Variants in KCNH1 observed in about 807,000 individuals in gnomAD.
KCNH1 encodes voltage-gated delayed rectifier potassium channel KCNH1.
KCNH1 carries 27 observed loss-of-function variants against 69.2 expected under a neutral mutation model. The ratio of observed to expected loss-of-function variants is 0.39; its 90% confidence interval spans 0.29 to 0.54. The LOEUF is 0.54. Among genes scored for constraint, KCNH1 ranks in the 20% least tolerant of loss-of-function variants. KCNH1 has a pLI of 0.68. For missense variants in KCNH1, 798 were observed against 1,261.6 expected (o/e 0.63, Z 5.57); for synonymous variants, 456 against 487.7 (o/e 0.93, Z 0.86).
At chr1:210,866,888 A>C (rs146732125) in intron 7 of KCNH1, among the ~76,000 whole-genome samples, 2 of 152,018 alleles carry the variant, frequency 1.3e-5, no homozygotes, top group East Asian at 3.9e-4. Flanking sequence ...TGAACAGATG[A>C]ATTAGATGTG....
intron 10 of KCNH1, among the ~76,000 whole-genome samples, chr1:210,736,933 T>C (rs1682894475): frequency 6.6e-6 from 1 of 152,202 alleles, no homozygotes; most frequent in African/African-American, 2.4e-5. Context: ...GAGTGTTGAC[T>C]ACCCTCTCTT....
chr1:210,736,148 C>A (rs148228553), intron 10 of KCNH1, among the ~76,000 whole-genome samples: 283 of 152,204 alleles, frequency 1.9e-3, no homozygotes, highest in African/African-American at 6.5e-3. Flanking sequence ...TGGGCTCAAG[C>A]CATCCTTCTG....
intron 10 of KCNH1, among the ~76,000 whole-genome samples, chr1:210,772,525 C>A (rs1333331842): frequency 6.7e-6 from 1 of 148,168 alleles, no homozygotes; most frequent in African/African-American, 2.5e-5. Flanking sequence ...TTTTTTTTTC[C>A]AAAAAAGAAT....
At chr1:211,055,805 C>T (rs1459095239) in intron 5 of KCNH1, among the ~76,000 whole-genome samples, 1 of 152,206 alleles carries the variant, frequency 6.6e-6, no homozygotes, top group Non-Finnish European at 1.5e-5. Context: ...TCTAGACACA[C>T]CATGGGCCAG....
At chr1:211,107,665 C>T (rs1251269986) in intron 1 of KCNH1, among the ~76,000 whole-genome samples, 2 of 152,184 alleles carry the variant, frequency 1.3e-5, no homozygotes, top group Admixed American at 1.3e-4. Flanking sequence ...TCAGTGGATT[C>T]CCATGAGACA....
intron 3 of KCNH1, among the ~76,000 whole-genome samples, chr1:211,101,036 T>C (rs1691248286): frequency 6.6e-6 from 1 of 152,230 alleles, no homozygotes; most frequent in African/African-American, 2.4e-5. Flanking sequence ...GCCCTGATCT[T>C]TGTCTAACTC....
At chr1:210,859,683 T>C (rs1477436383) in intron 7 of KCNH1, 2 of 1,278,452 alleles carry the variant, frequency 1.6e-6, no homozygotes, top group African/African-American at 1.5e-5. Context: ...ATCCATTAAA[T>C]AAAAGGATAA....
chr1:210,785,416 A>G (rs1236620567), intron 9 of KCNH1, among the ~76,000 whole-genome samples: 1 of 145,578 alleles, frequency 6.9e-6, no homozygotes, highest in Non-Finnish European at 1.5e-5. Context: ...TTTTTTTGAG[A>G]TAGAGTCTAG....
intron 7 of KCNH1, chr1:210,861,809 A>G: frequency 1.3e-6 from 1 of 763,234 alleles, no homozygotes; most frequent in Non-Finnish European, 2.4e-6. Flanking sequence ...AGTTTTTTAT[A>G]CTCATAAGTT....
chr1:210,772,694 C>T (rs1574247042), intron 10 of KCNH1, among the ~76,000 whole-genome samples: 1 of 152,194 alleles, frequency 6.6e-6, no homozygotes, highest in East Asian at 1.9e-4. Context: ...ATATGGGTAC[C>T]TAGGAGATGC....
chr1:211,087,075 G>A (rs1690964751), intron 4 of KCNH1, among the ~76,000 whole-genome samples: 1 of 152,084 alleles, frequency 6.6e-6, no homozygotes, highest in African/African-American at 2.4e-5. Flanking sequence ...CATTGAAGGG[G>A]GTGTGGGGCC....
At chr1:210,775,086 A>G (rs546691238) in intron 10 of KCNH1, among the ~76,000 whole-genome samples, 3 of 151,754 alleles carry the variant, frequency 2.0e-5, no homozygotes, top group South Asian at 2.1e-4. Flanking sequence ...TTGATGGGGG[A>G]AAAAAAAGCC....
chr1:210,746,401 A>G (rs914878851), intron 10 of KCNH1, among the ~76,000 whole-genome samples: 2 of 152,102 alleles, frequency 1.3e-5, no homozygotes, highest in African/African-American at 4.8e-5. Context: ...AGGTCATACA[A>G]TTACTAAATG....
At chr1:211,060,743 C>T (rs996218788) in intron 5 of KCNH1, among the ~76,000 whole-genome samples, 1 of 152,014 alleles carries the variant, frequency 6.6e-6, no homozygotes, top group Non-Finnish European at 1.5e-5. Context: ...CATATACAAC[C>T]TACCAAGATT....
intron 1 of KCNH1, among the ~76,000 whole-genome samples, chr1:211,128,579 G>A (rs1255226739): frequency 6.6e-6 from 1 of 151,630 alleles, no homozygotes; most frequent in Non-Finnish European, 1.5e-5. Context: ...GGGGCTTCTA[G>A]AGGTCTGGCA....
At chr1:210,839,272 A>T (rs543783147) in intron 7 of KCNH1, among the ~76,000 whole-genome samples, 2 of 152,318 alleles carry the variant, frequency 1.3e-5, no homozygotes, top group East Asian at 3.9e-4. Flanking sequence ...ACATGGATGG[A>T]GCTGGAAGTC....
intron 7 of KCNH1, among the ~76,000 whole-genome samples, chr1:210,847,956 A>T (rs1685597852): frequency 6.6e-6 from 1 of 152,132 alleles, no homozygotes. Context: ...GGTGGGCCAG[A>T]TCCTGGAAGG....
At chr1:210,907,207 G>A (rs573139624) in intron 7 of KCNH1, among the ~76,000 whole-genome samples, 1 of 152,172 alleles carries the variant, frequency 6.6e-6, no homozygotes, top group Admixed American at 6.5e-5. Flanking sequence ...GTGGTAAATG[G>A]GAACTCAGGA....
chr1:210,702,257 G>T (rs998906870), intron 10 of KCNH1, among the ~76,000 whole-genome samples: 4 of 152,130 alleles, frequency 2.6e-5, no homozygotes, highest in Non-Finnish European at 5.9e-5. Flanking sequence ...GCAATCTGAG[G>T]ATTCTTGTTC....
Sources: allele counts gnomAD v4.1 joint callset (sites outside exome capture counted in the v4.1 genomes callset), GRCh38; gene constraint gnomAD v4.1.1; transcripts MANE v1.5; gene names NCBI Gene and HGNC (gene_info 2026-07-23, HGNC 2026-07-21).